The following TCF12 variants were observed in gnomAD, a reference collection of about 807,000 sequenced individuals.
TCF12 encodes the protein DNA-binding protein HTF4.
Under a neutral mutation model 86.0 loss-of-function variants are expected in TCF12, and 45 were observed. The observed-to-expected ratio is 0.52, with a 90% CI of 0.41 to 0.67. The LOEUF is 0.67. TCF12 is among the 30% of genes least tolerant of loss of function. TCF12 has a pLI of 0.00. For synonymous variants in TCF12, 330 were observed against 299.6 expected (o/e 1.10, Z -1.05); for missense variants, 881 against 859.9 (o/e 1.02, Z -0.31).
At chr15:57,276,650 TAA>T (rs1199979957) in intron 19 of TCF12, among the ~76,000 whole-genome samples, 2 of 152,110 alleles carry the variant, frequency 1.3e-5, no homozygotes, top group African/African-American at 4.8e-5. Context: ...CTTCTGGAGA[TAA>T]AATATAAATA....
chr15:57,191,055 G>T (rs1222871635), intron 6 of TCF12, among the ~76,000 whole-genome samples: 1 of 152,198 alleles, frequency 6.6e-6, no homozygotes, highest in Admixed American at 6.5e-5. Flanking sequence ...ACGTAAGCAT[G>T]TGATCATTCT....
At chr15:57,156,961 TTTAAGAGTGTGAATACTGAGATACA>T (rs2054153067) in intron 5 of TCF12, among the ~76,000 whole-genome samples, 1 of 152,102 alleles carries the variant, frequency 6.6e-6, no homozygotes, top group Non-Finnish European at 1.5e-5. Context: ...GAGTAAATTA[TTTAAGAGTGTGAATACTGAGATACA>T]TTAATGTCAG....
At chr15:56,983,519 A>T (rs1379410005) in intron 3 of TCF12, among the ~76,000 whole-genome samples, 1 of 152,174 alleles carries the variant, frequency 6.6e-6, no homozygotes, top group East Asian at 1.9e-4. Flanking sequence ...AATTTTAAAA[A>T]CTGTATTAGT....
downstream of TCF12, among the ~76,000 whole-genome samples, chr15:57,290,126 C>T (rs1004187953): frequency 1.3e-5 from 2 of 151,758 alleles, no homozygotes; most frequent in Non-Finnish European, 2.9e-5. Context: ...GAGCGATACA[C>T]AAGGTCATGA....
chr15:56,930,494 C>T (rs1404428202), intron 3 of TCF12, among the ~76,000 whole-genome samples: 1 of 152,174 alleles, frequency 6.6e-6, no homozygotes, highest in African/African-American at 2.4e-5. Context: ...ACTTAATCTA[C>T]TTGGTACTGA....
At chr15:57,247,536 TAA>T in intron 13 of TCF12, 1 of 909,618 alleles carries the variant, frequency 1.1e-6, no homozygotes, top group Non-Finnish European at 1.8e-6. Flanking sequence ...TCAAAAGTTA[TAA>T]AAGCAAATCC....
At chr15:56,937,111 G>A (rs767094307) in intron 3 of TCF12, among the ~76,000 whole-genome samples, 25 of 152,160 alleles carry the variant, frequency 1.6e-4, no homozygotes, top group Non-Finnish European at 3.4e-4. Context: ...CTGTGAGCAT[G>A]GGTTGTGTTC....
At chr15:57,204,218 C>T (rs2057700290) in intron 8 of TCF12, among the ~76,000 whole-genome samples, 1 of 152,050 alleles carries the variant, frequency 6.6e-6, no homozygotes. Context: ...GGAGTATCCC[C>T]TGAATCCAGG....
At chr15:57,175,451 A>G (rs1399516894) in intron 6 of TCF12, among the ~76,000 whole-genome samples, 1 of 152,218 alleles carries the variant, frequency 6.6e-6, no homozygotes, top group Non-Finnish European at 1.5e-5. Flanking sequence ...GTGAATTAGC[A>G]AGTTTCCAGT....
intron 3 of TCF12, among the ~76,000 whole-genome samples, chr15:56,988,742 GTGACCT>G (rs1394853516): frequency 6.6e-6 from 1 of 152,142 alleles, no homozygotes; most frequent in Non-Finnish European, 1.5e-5. Context: ...TTCCAGAGTA[GTGACCT>G]TGAAAGTCCA....
rs560754505 is a variant in TCF12 at position 57,223,387 on chromosome 15, A to G, written c.580-7765A>G. Among the ~76,000 whole-genome samples the G allele has an allele frequency of 2.7e-4, 41 of 152,146 alleles. 1 individual carries two copies. The South Asian group carries it at 8.5e-3, about 32-fold the overall frequency. On this transcript the variant is annotated intron_variant, in intron 8 of 20. Transcript: ENST00000333725. ...TGTATTTGGATATGTAAAAATACAT[A>G]TATATACTACATTGGAAAGAAAACG...
intron 7 of TCF12, among the ~76,000 whole-genome samples, chr15:57,192,555 G>GT (rs2057040700): frequency 6.6e-6 from 1 of 151,844 alleles, no homozygotes; most frequent in South Asian, 2.1e-4. Flanking sequence ...TGCCTGGCTA[G>GT]TTTTTTATTT....
intron 6 of TCF12, among the ~76,000 whole-genome samples, chr15:57,181,514 T>C (rs1224506326): frequency 6.6e-6 from 1 of 151,906 alleles, no homozygotes; most frequent in Non-Finnish European, 1.5e-5. Flanking sequence ...AAATCATATT[T>C]AGAGTACCTT....
At chr15:57,221,371 GTA>G (rs2058580730) in intron 8 of TCF12, among the ~76,000 whole-genome samples, 1 of 121,552 alleles carries the variant, frequency 8.2e-6, no homozygotes, top group Admixed American at 9.9e-5. Context: ...TGGTATGTGG[GTA>G]TGTGTGTGGG....
chr15:57,020,812 A>G (rs2065434123), intron 3 of TCF12, among the ~76,000 whole-genome samples: 1 of 152,194 alleles, frequency 6.6e-6, no homozygotes, highest in Admixed American at 6.5e-5. Flanking sequence ...TAATCAGGGA[A>G]GACTTCATGG....
At chr15:57,244,020 A>T (rs966300553) in intron 13 of TCF12, among the ~76,000 whole-genome samples, 3 of 152,104 alleles carry the variant, frequency 2.0e-5, no homozygotes, top group Non-Finnish European at 4.4e-5. Context: ...CTGGGAATAC[A>T]GGTGTATGCC....
intron 3 of TCF12, among the ~76,000 whole-genome samples, chr15:56,952,410 G>T: frequency 6.9e-6 from 1 of 145,088 alleles, no homozygotes. Context: ...CAGTACTGTT[G>T]TGTCAGTTTC....
intron 5 of TCF12, among the ~76,000 whole-genome samples, chr15:57,152,699 A>G (rs1269925033): frequency 6.6e-6 from 1 of 152,208 alleles, no homozygotes; most frequent in African/African-American, 2.4e-5. Context: ...GCAGGACAGT[A>G]TCAGTCTAAT....
rs139828642 is a variant in TCF12, at chr15:57,014,862, T to TTTATTATTA, written c.149-48864_149-48856dup. Reference sequence around the variant, plus strand: ...GGGAGGTATAATGGTTCTCTGGACCTTTATTATTATTATTATTATTATTAT... The same window carrying TTTATTATTA: ...GGGAGGTATAATGGTTCTCTGGACCTTTATTATTATTATTATTATTATTATTATTATTAT... On this transcript the variant is annotated intron_variant, in intron 3 of 20. Coordinates refer to ENST00000333725, the MANE Select transcript of TCF12 (RefSeq NM_207037.2). Among the ~76,000 whole-genome samples, 617 of 145,386 alleles carry TTTATTATTA rather than the reference T, an allele frequency of 4.2e-3. 6 individuals carry two copies. The highest frequency in any genetic ancestry group is 0.015 in the African/African-American group (591 of 39,784).
Sources: allele counts gnomAD v4.1 joint callset (sites outside exome capture counted in the v4.1 genomes callset), GRCh38; gene constraint gnomAD v4.1.1; transcripts MANE v1.5; gene names NCBI Gene and HGNC (gene_info 2026-07-23, HGNC 2026-07-21).